Variants in RAI1 observed in about 807,000 individuals in gnomAD.
The protein encoded by RAI1 is retinoic acid induced 1, also known as retinoic acid-induced protein 1.
RAI1 carries 9 observed loss-of-function variants against 123.8 expected under a neutral mutation model. The ratio of observed to expected loss-of-function variants is 0.07; its 90% CI spans 0.04 to 0.13. RAI1 has a LOEUF of 0.13. Among genes scored for constraint, RAI1 ranks in the 10% least tolerant of loss-of-function variants. The probability of loss-of-function intolerance (pLI) is 1.00; values close to 1 mark genes in which losing one functional copy is unlikely to be tolerated. For synonymous variants in RAI1, 1,231 were observed against 1,127.3 expected (o/e 1.09, Z -1.84); for missense variants, 2,256 against 2,545.8 (o/e 0.89, Z 2.45).
At chr17:17,730,950 A>G (rs953170578) in intron 2 of RAI1, among the ~76,000 whole-genome samples, 2 of 152,216 alleles carry the variant, frequency 1.3e-5, no homozygotes, top group South Asian at 2.1e-4. Context: ...ACCTTGGGCT[A>G]GAGTCCCTGA....
At chr17:17,792,036 A>T (rs867650776) in intron 2 of RAI1, among the ~76,000 whole-genome samples, 1 of 151,986 alleles carries the variant, frequency 6.6e-6, no homozygotes, top group East Asian at 1.9e-4. Context: ...GTGTCGCCCC[A>T]TGTGGGTGGG....
intron 4 of RAI1, among the ~76,000 whole-genome samples, chr17:17,808,419 T>TTTATTTTA (rs2032641283): frequency 2.2e-5 from 1 of 45,274 alleles, no homozygotes; most frequent in African/African-American, 5.3e-5. Flanking sequence ...ATTTTATTAT[T>TTTATTTTA]TTATTTTATT....
At chr17:17,725,604 GA>G (rs1484886572) in intron 2 of RAI1, among the ~76,000 whole-genome samples, 3 of 152,192 alleles carry the variant, frequency 2.0e-5, no homozygotes, top group Admixed American at 2.0e-4. Context: ...TCCATCGGGG[GA>G]TGCAGAGGAA....
In RAI1 at chr17:17,714,817, C is replaced by T. The variant is rs532926844; in HGVS notation, c.-148-9211C>T. ...GTCGTGGTGGGTGAAGGGTCTGGTC[C>T]GCAGGTCTGCTCTCCAAGCTGCCTC... On this transcript the variant is annotated intron_variant, in intron 1 of 5. Coordinates refer to ENST00000353383, the MANE Select transcript of RAI1 (RefSeq NM_030665.4). This position sits in a 1 kb window ranked among gnomAD's most constrained non-coding sequence, Gnocchi z 4.9. Among the ~76,000 whole-genome samples the T allele has an allele frequency of 2.6e-5, 4 of 152,148 alleles. No individual in the cohort carries two copies. Among genetic ancestry groups the T allele is most frequent in the Non-Finnish European group, 5.9e-5 (4 of 68,032 alleles).
Position 17,794,069 on chromosome 17 carries a change from A to G in RAI1, c.1121A>G (p.Gln374Arg). ...MPNLENFPYS[Q>R]QPLSTGAFPA... ...AACCTGGAGAACTTTCCCTACAGCC[A>G]GCAGCCGCTCAGCACCGGGGCCTTC... Residue 374 changes from glutamine to arginine, a missense_variant, in exon 3 of 6, where the codon CAG becomes CGG. Gln to Arg is a conservative substitution (Grantham distance 43). This residue lies in a region of RAI1 where 357 missense variants were observed against 480.2 expected (regional missense o/e 0.74). Transcript: ENST00000353383. The G allele has an allele frequency of 1.2e-6, 2 of 1,613,996 alleles. No individual in the cohort carries two copies. The highest frequency in any genetic ancestry group is 2.2e-5 in the East Asian group (1 of 44,870).
rs1298466011 is a variant in RAI1 at position 17,796,969 on chromosome 17, C to T, written c.4021C>T (p.Leu1341Phe). The change falls in exon 3 of 6, where the codon CTC becomes TTC. Residue 1341 changes from leucine to phenylalanine, a missense_variant. Around this residue, in one of 7 missense-constraint regions of RAI1, gnomAD observed 322 missense variants for 358.0 expected, o/e 0.90. Transcript: ENST00000353383. The surrounding 1 kb of genome is among the most constrained non-coding windows in gnomAD (Gnocchi z 5.8). Reference sequence around the variant, plus strand: ...CGTGCAGAAGATCACCTCGCCCAGCCTCAAGAAGTTCGCATGTAAAGCGCC... The same window carrying T: ...CGTGCAGAAGATCACCTCGCCCAGCTTCAAGAAGTTCGCATGTAAAGCGCC... ...AIVQKITSPS[L>F]KKFACKAPGA... is the part of the protein sequence containing the mutation. The T allele has an allele frequency of 6.2e-7, 1 of 1,613,834 alleles. No individual in the cohort carries two copies. Among genetic ancestry groups the T allele is most frequent in the Non-Finnish European group, 8.5e-7 (1 of 1,180,036 alleles).
rs140274272 is a variant in RAI1, at chr17:17,793,778, A to G, written c.830A>G (p.Asp277Gly). Residue 277 changes from aspartate to glycine, a missense_variant, in exon 3 of 6, where the codon GAC (aspartate) becomes GGC (glycine). Asp to Gly is a moderately conservative substitution (Grantham distance 94). Coordinates refer to ENST00000353383, the MANE Select transcript of RAI1 (RefSeq NM_030665.4). ...HAYQSGRLSY[D>G]QQQQQQQQQQ... The stretch of plus-strand genomic sequence containing the variant: ...TACCAGTCGGGCCGCCTCAGCTATG[A>G]CCAGCAGCAGCAGCAGCAGCAGCAG... The G allele has an allele frequency of 1.9e-6, 3 of 1,570,574 alleles. No individual in the cohort carries two copies. Among genetic ancestry groups the G allele is most frequent in the Non-Finnish European group, 2.6e-6 (3 of 1,169,404 alleles).
In RAI1 at chr17:17,714,680, C is replaced by G. The variant is rs927479842; in HGVS notation, c.-148-9348C>G. Among the ~76,000 whole-genome samples the G allele has an allele frequency of 2.0e-5, 3 of 152,156 alleles. No individual in the cohort carries two copies. Among genetic ancestry groups the G allele is most frequent in the Non-Finnish European group, 4.4e-5 (3 of 68,024 alleles). On this transcript the variant is annotated intron_variant, in intron 1 of 5. Transcript: ENST00000353383. This position sits in a 1 kb window ranked among gnomAD's most constrained non-coding sequence, Gnocchi z 4.9. ...CCTCCTGGCACACATTGTGGGAGTG[C>G]TGTGGGTCGAATAAGGAAGCTGAGC...
chr17:17,744,607 A>G (rs1916754031), intron 2 of RAI1, among the ~76,000 whole-genome samples: 2 of 152,096 alleles, frequency 1.3e-5, no homozygotes, highest in Admixed American at 6.6e-5. Flanking sequence ...CCTGACCAAC[A>G]TGGTGAAACC....
chr17:17,719,588 G>A (rs1251125652), intron 1 of RAI1, among the ~76,000 whole-genome samples: 1 of 152,168 alleles, frequency 6.6e-6, no homozygotes, highest in Non-Finnish European at 1.5e-5. Context: ...TCCATAGCAC[G>A]CTTCACCTAA....
At position 17,793,592 on chromosome 17, in the gene RAI1, C is replaced by A. The variant is rs750024199; in HGVS notation, c.644C>A (p.Ser215Tyr). 1.2e-6 allele frequency: 2 copies of A among 1,613,778 alleles called. No individual in the cohort carries two copies. The highest frequency in any genetic ancestry group is 3.3e-5 in the Admixed American group (2 of 60,032). The change falls in exon 3 of 6, where the codon TCC becomes TAC. Residue 215 changes from serine to tyrosine, a missense_variant. By Grantham distance (144) the Ser-to-Tyr change is moderately radical. Around this residue, in one of 7 missense-constraint regions of RAI1, gnomAD observed 336 missense variants for 349.8 expected, o/e 0.96. Transcript: ENST00000353383. The part of the protein sequence containing the change: ...QGTHFPQHSQ[S>Y]FPTSSTYSSS... Reference sequence around the variant, plus strand: ...ACCCACTTTCCTCAGCATTCCCAGTCCTTCCCCACCTCCTCCACCTACTCC... The same window carrying A: ...ACCCACTTTCCTCAGCATTCCCAGTACTTCCCCACCTCCTCCACCTACTCC...
At chr17:17,790,274 G>A (rs576082773) in intron 2 of RAI1, among the ~76,000 whole-genome samples, 11 of 152,340 alleles carry the variant, frequency 7.2e-5, no homozygotes, top group South Asian at 2.1e-4. Flanking sequence ...ACTGAGAGGC[G>A]GCCTGTGCCT....
Position 17,685,927 on chromosome 17 carries a change from C to T in RAI1, c.-149+4134C>T, listed in dbSNP as rs1211438986. On this transcript the variant is annotated intron_variant, in intron 1 of 5. Transcript: ENST00000353383. The surrounding 1 kb of genome is among the most constrained non-coding windows in gnomAD (Gnocchi z 4.0). ...TTCCACCTGGGATGCCCCTCACCTT[C>T]CTCCCTGCCGCCCCAGACCAAAACA... Among the ~76,000 whole-genome samples the T allele has an allele frequency of 6.6e-6, 1 of 152,226 alleles. No homozygotes were observed. Among genetic ancestry groups the T allele is most frequent in the Admixed American group, 6.5e-5 (1 of 15,290 alleles).
chr17:17,741,036 C>T (rs916467129), intron 2 of RAI1, among the ~76,000 whole-genome samples: 18 of 152,028 alleles, frequency 1.2e-4, no homozygotes, highest in Non-Finnish European at 2.4e-4. Context: ...CCCCCGCCCG[C>T]CGTCAGAGCA....
intron 1 of RAI1, among the ~76,000 whole-genome samples, chr17:17,693,448 A>G (rs1450975605): frequency 6.6e-6 from 1 of 152,224 alleles, no homozygotes; most frequent in Non-Finnish European, 1.5e-5. Context: ...TGCCCCAGGC[A>G]TCTTTCTTGC....
chr17:17,681,499 G>C lies in RAI1; in HGVS notation c.-443G>C, dbSNP rs574462653. Reference sequence around the variant, plus strand: ...CCGCGGACACCAGGCAGGCCCGGCCGGGTGCGCGGCCAAGGCCCGCTCCCC... The same window carrying C: ...CCGCGGACACCAGGCAGGCCCGGCCCGGTGCGCGGCCAAGGCCCGCTCCCC... On this transcript the variant is annotated 5_prime_UTR_variant, in exon 1 of 6. Coordinates refer to ENST00000353383, the MANE Select transcript of RAI1 (RefSeq NM_030665.4). The C allele has an allele frequency of 4.1e-5, 7 of 171,240 alleles. No homozygotes were observed. The highest frequency in any genetic ancestry group is 1.7e-4 in the African/African-American group (7 of 41,670). 10.6% of individuals were successfully genotyped at this position (171,240 alleles called of 1,614,324 possible). A position where few individuals can be genotyped will look rare whatever the true frequency, so the allele number is the denominator to read the frequency against.
intron 2 of RAI1, among the ~76,000 whole-genome samples, chr17:17,763,346 C>G (rs2030784845): frequency 1.3e-5 from 2 of 152,226 alleles, no homozygotes; most frequent in African/African-American, 4.8e-5. Flanking sequence ...AAGTCCCTCC[C>G]CAAGGAGCTG....
In RAI1 at chr17:17,811,125, G is replaced by A. The variant is rs1243179225; in HGVS notation, c.*1144G>A. The A allele has an allele frequency of 1.7e-5, 5 of 287,260 alleles. No individual in the cohort carries two copies. Among genetic ancestry groups the A allele is most frequent in the East Asian group, 1.1e-4 (1 of 8,798 alleles). The allele number at this position is 287,260 out of a possible 1,614,324, so 17.8% of individuals were successfully genotyped here. ...CGTCCGTGTCCTCAGCTCTGTCCAC[G>A]CTTCGATAGGCCTGACGCAGCCCCC... On this transcript the variant is annotated 3_prime_UTR_variant, in exon 6 of 6. Coordinates refer to ENST00000353383, the MANE Select transcript of RAI1 (RefSeq NM_030665.4).
chr17:17,807,989 C>T lies in RAI1; in HGVS notation c.5660-1401C>T, dbSNP rs563228647. Among the ~76,000 whole-genome samples, 7 of 152,338 alleles carry T rather than the reference C, an allele frequency of 4.6e-5. No homozygotes were observed. The East Asian group carries it at 1.3e-3, about 29-fold the overall frequency. On this transcript the variant is annotated intron_variant, in intron 4 of 5. Coordinates refer to ENST00000353383, the MANE Select transcript of RAI1 (RefSeq NM_030665.4). ...CTGCCCTCAGGGCTGCAGAGCTGTCCCTGCCCTGCCTTCTGGCCACCACCC... is the reference window on the plus strand; with the variant it reads ...CTGCCCTCAGGGCTGCAGAGCTGTCTCTGCCCTGCCTTCTGGCCACCACCC...
Sources: allele counts gnomAD v4.1 joint callset (sites outside exome capture counted in the v4.1 genomes callset), GRCh38; gene constraint gnomAD v4.1.1; regional missense constraint gnomAD v4.1.1; non-coding constraint Gnocchi (gnomAD v3.1); transcripts MANE v1.5; gene names NCBI Gene and HGNC (gene_info 2026-07-23, HGNC 2026-07-21).